EVI5: variants seen among roughly 807,000 people sequenced by gnomAD.
EVI5 encodes ecotropic viral integration site 5, also known as ecotropic viral integration site 5 protein homolog.
A neutral mutation model predicts 112.0 loss-of-function variants in EVI5; 73 were observed. That is an observed-to-expected ratio of 0.65 (90% CI 0.54 to 0.79). The LOEUF (loss-of-function observed/expected upper bound fraction) is 0.79, where lower values mean the gene tolerates loss of function less well. EVI5 is among the 30% of genes least tolerant of loss of function. EVI5 has a pLI of 0.00. For synonymous variants in EVI5, 305 were observed against 319.9 expected, an observed-to-expected ratio of 0.95 and a Z score of 0.50; for missense variants, 900 against 968.8, an observed-to-expected ratio of 0.93 and a Z score of 0.94.
intron 18 of EVI5, among the ~76,000 whole-genome samples, chr1:92,576,660 T>G (rs1671130476): frequency 6.6e-6 from 1 of 152,198 alleles, no homozygotes; most frequent in Middle Eastern, 3.2e-3. Context: ...GAATGGCTGA[T>G]TTTTACATAC....
At chr1:92,742,129 T>C (rs1678506517) in intron 1 of EVI5, among the ~76,000 whole-genome samples, 1 of 151,568 alleles carries the variant, frequency 6.6e-6, no homozygotes, top group Non-Finnish European at 1.5e-5. Flanking sequence ...AAACAAATAA[T>C]CTGATTAAAA....
chr1:92,546,927 T>C lies in EVI5; in HGVS notation c.2166+16715A>G, dbSNP rs987668023. 3.9e-5 allele frequency among the ~76,000 whole-genome samples: 6 copies of C among 152,186 alleles called. No homozygotes were observed. The East Asian group carries it at 1.2e-3, about 29-fold the overall frequency. On this transcript the variant is annotated intron_variant, in intron 19 of 19. Coordinates refer to ENST00000684568, the MANE Select transcript of EVI5 (RefSeq NM_001350197.2). ...GACTTTAACACCCCACTGTCAACAT[T>C]AGACAGATTAACGAGACAGAAAGTT...
intron 2 of EVI5, chr1:92,714,285 T>A: frequency 3.9e-6 from 1 of 256,786 alleles, no homozygotes; most frequent in Non-Finnish European, 6.1e-6. Context: ...TTTAATTTTC[T>A]AAAATGTTAT....
chr1:92,553,040 A>T (rs1009016179), intron 19 of EVI5, among the ~76,000 whole-genome samples: 3 of 152,142 alleles, frequency 2.0e-5, no homozygotes, highest in African/African-American at 7.2e-5. Context: ...TAAAATGGGT[A>T]GAACACCAAT....
intron 18 of EVI5, among the ~76,000 whole-genome samples, chr1:92,598,051 CT>C (rs942025402): frequency 6.6e-6 from 1 of 151,760 alleles, no homozygotes; most frequent in East Asian, 1.9e-4. Context: ...AAAGTGAGAC[CT>C]TTTTTTTGAA....
intron 18 of EVI5, among the ~76,000 whole-genome samples, chr1:92,584,670 TG>T (rs1248692281): frequency 6.6e-6 from 1 of 152,236 alleles, no homozygotes; most frequent in Non-Finnish European, 1.5e-5. Flanking sequence ...ACTCATATCA[TG>T]TACTACTGAT....
At chr1:92,743,569 G>C (rs1037475332) in intron 1 of EVI5, among the ~76,000 whole-genome samples, 2 of 152,040 alleles carry the variant, frequency 1.3e-5, no homozygotes, top group Non-Finnish European at 2.9e-5. Context: ...TCTTTGGAAA[G>C]ATGAAAAAAT....
chr1:92,587,092 T>C (rs1004600400), intron 18 of EVI5, among the ~76,000 whole-genome samples: 1 of 152,088 alleles, frequency 6.6e-6, no homozygotes, highest in African/African-American at 2.4e-5. Flanking sequence ...AGATACTTCA[T>C]CCCTTTAAAT....
intron 14 of EVI5, among the ~76,000 whole-genome samples, chr1:92,628,385 T>C (rs1374108611): frequency 6.6e-6 from 1 of 152,238 alleles, no homozygotes; most frequent in Non-Finnish European, 1.5e-5. Flanking sequence ...GGGTTCTTGG[T>C]CATGAAATCC....
intron 19 of EVI5, among the ~76,000 whole-genome samples, chr1:92,517,650 T>C (rs1660137460): frequency 6.6e-6 from 1 of 152,198 alleles, no homozygotes; most frequent in African/African-American, 2.4e-5. Flanking sequence ...CACCTGATGG[T>C]TGACACAAGG....
At chr1:92,607,113 C>T (rs1356600772) in intron 17 of EVI5, among the ~76,000 whole-genome samples, 1 of 152,080 alleles carries the variant, frequency 6.6e-6, no homozygotes, top group Admixed American at 6.5e-5. Flanking sequence ...GTAATATACC[C>T]ATTTTTCCCA....
chr1:92,663,511 A>G lies in EVI5; in HGVS notation c.1213-59T>C, dbSNP rs1293965731. The stretch of plus-strand genomic sequence containing the variant: ...AGAAAGAAATAAAAGTGATAAAATT[A>G]GGAAAAAAGAAACAAATATACCCAA... On this transcript the variant is annotated intron_variant, in intron 11 of 19. Transcript: ENST00000684568. 3.5e-6 allele frequency: 3 copies of G among 864,684 alleles called. No homozygotes were observed. The African/African-American group carries it at 5.2e-5, about 15-fold the overall frequency. The allele number at this position is 864,684 out of a possible 1,614,324, so 53.6% of individuals were successfully genotyped here.
At chr1:92,613,142 T>C (rs1652266368) in intron 16 of EVI5, among the ~76,000 whole-genome samples, 1 of 152,002 alleles carries the variant, frequency 6.6e-6, no homozygotes, top group Non-Finnish European at 1.5e-5. Flanking sequence ...CTGCTGTCTT[T>C]GGGGCACTGG....
At chr1:92,552,214 C>A (rs1413547267) in intron 19 of EVI5, among the ~76,000 whole-genome samples, 1 of 150,826 alleles carries the variant, frequency 6.6e-6, no homozygotes, top group African/African-American at 2.4e-5. Flanking sequence ...AGAGAACTGA[C>A]TGAATTCATG....
chr1:92,701,364 T>A (rs1451870159), intron 5 of EVI5, among the ~76,000 whole-genome samples: 2 of 152,180 alleles, frequency 1.3e-5, no homozygotes, highest in Non-Finnish European at 2.9e-5. Context: ...AATCTGAAAG[T>A]AGATAGTATT....
intron 14 of EVI5, among the ~76,000 whole-genome samples, chr1:92,630,977 G>T (rs1656923443): frequency 6.6e-6 from 1 of 152,164 alleles, no homozygotes; most frequent in South Asian, 2.1e-4. Flanking sequence ...TCAGATAGTT[G>T]TAGATATGTG....
At chr1:92,652,960 TA>T (rs1662387034) in intron 13 of EVI5, among the ~76,000 whole-genome samples, 1 of 152,168 alleles carries the variant, frequency 6.6e-6, no homozygotes, top group African/African-American at 2.4e-5. Flanking sequence ...GGCTCCTCTT[TA>T]ACCTGTGACA....
chr1:92,660,166 C>T (rs1287554301), intron 13 of EVI5, among the ~76,000 whole-genome samples: 1 of 152,012 alleles, frequency 6.6e-6, no homozygotes, highest in Non-Finnish European at 1.5e-5. Context: ...AAAGCCCAGA[C>T]TCCACTACTA....
chr1:92,768,460 C>A (rs941063235), intron 1 of EVI5, among the ~76,000 whole-genome samples: 1 of 152,214 alleles, frequency 6.6e-6, no homozygotes, highest in African/African-American at 2.4e-5. Flanking sequence ...GGTATTCTGT[C>A]TAAAGTCAGA....
Sources: gnomAD v4.1 joint callset for allele counts (sites outside exome capture counted in the v4.1 genomes callset) on GRCh38, gnomAD v4.1.1 for gene constraint, MANE v1.5 for transcripts, NCBI Gene and HGNC (gene_info 2026-07-23, HGNC 2026-07-21) for gene names.